ATP9A: variants seen among roughly 807,000 people sequenced by gnomAD.
ATP9A encodes probable phospholipid-transporting ATPase IIA.
ATP9A carries 52 observed loss-of-function variants against 144.1 expected under a neutral mutation model. That is an observed-to-expected ratio of 0.36 (90% CI 0.29 to 0.45). The LOEUF (loss-of-function observed/expected upper bound fraction) is 0.45, where lower values mean the gene tolerates loss of function less well. ATP9A is among the 20% of genes least tolerant of loss of function. The pLI is 1.00. For missense variants in ATP9A, 947 were observed against 1,392.7 expected, an observed-to-expected ratio of 0.68 and a Z score of 5.09; for synonymous variants, 582 against 557.4, an observed-to-expected ratio of 1.04 and a Z score of -0.62.
At chr20:51,617,350 C>T (rs2122718815) in intron 22 of ATP9A, 140 bp downstream of exon 22, 1 of 869,018 alleles carries the variant, frequency 1.2e-6, no homozygotes, top group Admixed American at 2.2e-5. Flanking sequence ...CCCAGTGACA[C>T]AAGGTAACTG....
chr20:51,663,772 A>T (rs1475894160), intron 13 of ATP9A, among the ~76,000 whole-genome samples: 8 of 149,420 alleles, frequency 5.4e-5, no homozygotes, highest in Admixed American at 1.3e-4. Flanking sequence ...CCAGCCTGGG[A>T]AACAGAGCGA....
intron 3 of ATP9A, 82 bp from the exon 4 acceptor site, chr20:51,713,156 A>G (rs1207366231): frequency 7.7e-7 from 1 of 1,300,730 alleles, no homozygotes; most frequent in Non-Finnish European, 1.1e-6. Context: ...TGCCAGGGGC[A>G]GGAAAGGCGA....
At chr20:51,658,899 G>GGGGGGGGGGT (rs2077399970) in intron 13 of ATP9A, among the ~76,000 whole-genome samples, 9 of 132,114 alleles carry the variant, frequency 6.8e-5, no homozygotes, top group African/African-American at 2.7e-4. Context: ...GGGGGGGGGG[G>GGGGGGGGGGT]GGGGAAGGCT....
rs566322127 is a variant in ATP9A, at chr20:51,752,142, GA to G, written c.68+16159del. Among the ~76,000 whole-genome samples the G allele has an allele frequency of 3.3e-3, 506 of 152,298 alleles. 4 individuals are homozygous for G. The highest frequency in any genetic ancestry group is 2.7e-3 in the Non-Finnish European group (184 of 68,030). On this transcript the variant is annotated intron_variant, in intron 1 of 27. Coordinates refer to ENST00000338821, the MANE Select transcript of ATP9A (RefSeq NM_006045.3). ...GAATGGTCTGGAAAGATGTCCCAAA[GA>G]CACAGCTGAGCTGAGACCTGGGAGA...
Position 51,671,104 on chromosome 20 carries a change from AAGC to A in ATP9A, c.1180+8_1180+10del. The A allele has an allele frequency of 6.2e-7, 1 of 1,609,964 alleles. No homozygotes were observed. Among genetic ancestry groups the A allele is most frequent in the Non-Finnish European group, 8.5e-7 (1 of 1,176,502 alleles). On this transcript the variant is annotated splice_region_variant and intron_variant, in intron 12 of 27. Transcript: ENST00000338821. Reference sequence around the variant, plus strand: ...CCAGGAATCCTGCGCAGGTCCCAGAAAGCAGCTCACCTGTCTTGTCTGTGAGTA... The same window carrying A: ...CCAGGAATCCTGCGCAGGTCCCAGAAAGCTCACCTGTCTTGTCTGTGAGTA...
At chr20:51,746,293 C>G (rs569303294) in intron 1 of ATP9A, among the ~76,000 whole-genome samples, 1 of 152,196 alleles carries the variant, frequency 6.6e-6, no homozygotes, top group Non-Finnish European at 1.5e-5. Flanking sequence ...ACCTCAGGTA[C>G]GTAGCCCTGA....
chr20:51,640,988 G>C lies in ATP9A; in HGVS notation c.1507-1484C>G, dbSNP rs7271955. Among the ~76,000 whole-genome samples, 808 of 152,244 alleles carry C rather than the reference G, an allele frequency of 5.3e-3. 6 individuals carry two copies. Among genetic ancestry groups the C allele is most frequent in the African/African-American group, 0.018 (753 of 41,540 alleles). On this transcript the variant is annotated intron_variant, in intron 14 of 27. Transcript: ENST00000338821. ...ACTTTTAATCCCAGCACTTGGGGAG[G>C]TTGACGCAGGAGGATCACTTGAGCC...
intron 4 of ATP9A, among the ~76,000 whole-genome samples, chr20:51,703,473 T>C (rs1287329584): frequency 2.0e-5 from 3 of 152,210 alleles, no homozygotes; most frequent in African/African-American, 4.8e-5. Context: ...CTAATAAATC[T>C]ATCCCTTTCA....
Position 51,639,329 on chromosome 20 carries a change from T to C in ATP9A, c.1668+14A>G. 1.9e-6 allele frequency: 3 copies of C among 1,564,234 alleles called. No individual in the cohort carries two copies. Among genetic ancestry groups the C allele is most frequent in the South Asian group, 1.1e-5 (1 of 88,572 alleles). ...GTACTTAAGCACTTTAAGCCATGAA[T>C]AAAAACGACTCACCCGCACGATGAT... is the stretch of plus-strand genomic sequence containing the variant. On this transcript the variant is annotated intron_variant, in intron 15 of 27. Coordinates refer to ENST00000338821, the MANE Select transcript of ATP9A (RefSeq NM_006045.3).
chr20:51,694,751 G>A (rs1047987452), intron 6 of ATP9A, among the ~76,000 whole-genome samples: 4 of 152,164 alleles, frequency 2.6e-5, no homozygotes, highest in South Asian at 2.1e-4. Context: ...ATACAGATCC[G>A]TGCAAGTAGT....
In ATP9A at chr20:51,627,578, GAA is replaced by G. The variant is rs779155155; in HGVS notation, c.1845+20_1845+21del. 1 of 1,610,082 alleles carries G rather than the reference GAA, an allele frequency of 6.2e-7. No individual in the cohort carries two copies. The highest frequency in any genetic ancestry group is 1.1e-5 in the South Asian group (1 of 90,998). On this transcript the variant is annotated intron_variant, in intron 17 of 27. Transcript: ENST00000338821. ...GGCAGGTGGGGCTGCAAAGGCAATG[GAA>G]AGGTCCCAGAACAACTTACTTCAAA...
intron 4 of ATP9A, among the ~76,000 whole-genome samples, chr20:51,700,843 A>G (rs1383488039): frequency 1.3e-5 from 2 of 152,126 alleles, no homozygotes; most frequent in African/African-American, 4.8e-5. Context: ...AAAATAGAAA[A>G]CAGAGAGGGA....
At chr20:51,664,886 A>ATTT (rs559731508) in intron 13 of ATP9A, among the ~76,000 whole-genome samples, 61 of 135,900 alleles carry the variant, frequency 4.5e-4, no homozygotes, top group African/African-American at 1.6e-3. Flanking sequence ...CCCCCGGCTA[A>ATTT]TTTTTTTTTT....
At chr20:51,625,439 A>G (rs1292473923) in intron 17 of ATP9A, 77 bp from the exon 18 acceptor site, 32 of 1,507,794 alleles carry the variant, frequency 2.1e-5, no homozygotes, top group Non-Finnish European at 2.9e-5. Flanking sequence ...CAAGAGTGGA[A>G]GGGCCACACC....
Position 51,596,875 on chromosome 20 carries a change from T to A in ATP9A, c.*4336A>T, listed in dbSNP as rs1163341499. 6.6e-6 allele frequency: 1 copy of A among 152,176 alleles called. No homozygotes were observed. Among genetic ancestry groups the A allele is most frequent in the African/African-American group, 2.4e-5 (1 of 41,426 alleles). 9.4% of individuals were successfully genotyped at this position (152,176 alleles called of 1,614,324 possible). ...AACACGAAAGATCATATGTGTGTCATCACAGCATCGAGAATTTAAATCATC... is the reference window on the plus strand; with the variant it reads ...AACACGAAAGATCATATGTGTGTCAACACAGCATCGAGAATTTAAATCATC... On this transcript the variant is annotated 3_prime_UTR_variant, in exon 28 of 28. Coordinates refer to ENST00000338821, the MANE Select transcript of ATP9A (RefSeq NM_006045.3).
At chr20:51,634,748 G>C (rs141590824) in intron 15 of ATP9A, among the ~76,000 whole-genome samples, 2 of 151,482 alleles carry the variant, frequency 1.3e-5, no homozygotes, top group African/African-American at 2.4e-5. Context: ...CCAGCTACTC[G>C]GGAGGCTGGG....
At chr20:51,674,080 G>A in intron 11 of ATP9A, 73 bp downstream of exon 11, 9 of 1,493,932 alleles carry the variant, frequency 6.0e-6, no homozygotes, top group Non-Finnish European at 8.2e-6. Context: ...AAAAGCCACA[G>A]AACCATCATC....
chr20:51,625,306 C>A lies in ATP9A; in HGVS notation c.1902G>T (p.Thr634=). The change falls in exon 18 of 28, where the codon ACG becomes ACT. Residue 634 remains threonine, a synonymous_variant. Coordinates refer to ENST00000338821, the MANE Select transcript of ATP9A (RefSeq NM_006045.3). ...TCTCCATCTCCAGGCTCTCGATCAC[C>A]GTGGCCACTTTGAGGGAGCGGTCGT... is the stretch of plus-strand genomic sequence containing the variant. The part of the protein sequence containing the change: ...SVHDRSLKVA[T]VIESLEMEME... 1 of 1,614,226 alleles carries A rather than the reference C, an allele frequency of 6.2e-7. No individual in the cohort carries two copies. Among genetic ancestry groups the A allele is most frequent in the Non-Finnish European group, 8.5e-7 (1 of 1,180,026 alleles).
Position 51,718,814 on chromosome 20 carries a change from C to CAAAAAAAAAAAAAAAAAAAA in ATP9A, c.328-5760_328-5741dup, listed in dbSNP as rs71192550. Among the ~76,000 whole-genome samples, 42 of 57,680 alleles carry CAAAAAAAAAAAAAAAAAAAA rather than the reference C, an allele frequency of 7.3e-4. 1 individual carries two copies. Among genetic ancestry groups the CAAAAAAAAAAAAAAAAAAAA allele is most frequent in the South Asian group, 1.4e-3 (2 of 1,448 alleles). 37.8% of individuals were successfully genotyped at this position (57,680 alleles called of 152,430 possible). On this transcript the variant is annotated intron_variant, in intron 3 of 27. Transcript: ENST00000338821. Reference sequence around the variant, plus strand: ...TGGGCAACAGAGCAAGACTCCATCTCAAAAAAAAAAAAAAAAAAAAAAAAA... The same window carrying CAAAAAAAAAAAAAAAAAAAA: ...TGGGCAACAGAGCAAGACTCCATCTCAAAAAAAAAAAAAAAAAAAAAAAAAAAAAAAAAAAAAAAAAAAAA...
Sources: gnomAD v4.1 joint callset for allele counts (sites outside exome capture counted in the v4.1 genomes callset) on GRCh38, gnomAD v4.1.1 for gene constraint, MANE v1.5 for transcripts, NCBI Gene and HGNC (gene_info 2026-07-23, HGNC 2026-07-21) for gene names.